SEM1: variants seen among roughly 807,000 people sequenced by gnomAD.
The protein encoded by SEM1 is SEM1 26S proteasome subunit.
In SEM1, 3 loss-of-function variants were observed where a neutral mutation model predicts 12.7. That is an observed-to-expected ratio of 0.24 (90% CI 0.11 to 0.61). The LOEUF is 0.61. SEM1 is among the 20% of genes least tolerant of loss of function. SEM1 has a pLI of 0.88. For synonymous variants in SEM1, 30 were observed against 27.8 expected (o/e 1.08, Z -0.25); for missense variants, 59 against 81.3 (o/e 0.73, Z 1.06).
intron 1 of SEM1, among the ~76,000 whole-genome samples, chr7:96,707,574 T>C (rs1790506012): frequency 6.6e-6 from 1 of 152,268 alleles, no homozygotes; most frequent in South Asian, 2.1e-4. Context: ...AATGGTCAAT[T>C]ACTTAATGTT....
At chr7:96,578,382 A>G (rs1806275915) in intron 2 of SEM1, among the ~76,000 whole-genome samples, 1 of 152,152 alleles carries the variant, frequency 6.6e-6, no homozygotes, top group Non-Finnish European at 1.5e-5. Flanking sequence ...CAAAAACACT[A>G]GGTAACTTAA....
At chr7:96,559,200 AT>A (rs1394230240) in intron 2 of SEM1, among the ~76,000 whole-genome samples, 2 of 151,984 alleles carry the variant, frequency 1.3e-5, no homozygotes, top group Admixed American at 1.3e-4. Context: ...TAGTATATAA[AT>A]TTTTTCATAT....
intron 1 of SEM1, chr7:96,696,801 T>C (rs940667425): frequency 6.6e-6 from 1 of 151,982 alleles, no homozygotes; most frequent in Non-Finnish European, 1.5e-5. Flanking sequence ...ATACAAACTC[T>C]ACTCAATGTA....
At chr7:96,603,957 A>G (rs1235644074) in intron 2 of SEM1, among the ~76,000 whole-genome samples, 3 of 152,096 alleles carry the variant, frequency 2.0e-5, no homozygotes, top group African/African-American at 4.8e-5. Flanking sequence ...CTGCATGTAA[A>G]ATTGTGAGAT....
At chr7:96,546,604 T>C (rs957846956) in intron 2 of SEM1, among the ~76,000 whole-genome samples, 3 of 152,128 alleles carry the variant, frequency 2.0e-5, no homozygotes, top group African/African-American at 4.8e-5. Context: ...TTAGTCACTA[T>C]ATAGTTATAC....
intron 2 of SEM1, chr7:96,673,952 G>A (rs1468396701): frequency 5.7e-6 from 4 of 697,526 alleles, no homozygotes; most frequent in African/African-American, 1.7e-5. Flanking sequence ...GGCCCATCCT[G>A]AAAAATGTAC....
intron 2 of SEM1, among the ~76,000 whole-genome samples, chr7:96,682,292 C>T (rs1789638169): frequency 6.6e-6 from 1 of 152,078 alleles, no homozygotes; most frequent in Non-Finnish European, 1.5e-5. Flanking sequence ...TGGGTTGAGA[C>T]AATGGGGTTT....
chr7:96,520,872 T>C (rs1350668646), intron 2 of SEM1, among the ~76,000 whole-genome samples: 1 of 152,060 alleles, frequency 6.6e-6, no homozygotes, highest in Non-Finnish European at 1.5e-5. Context: ...TCTGGCCCAC[T>C]GATCCCAGCT....
intron 2 of SEM1, among the ~76,000 whole-genome samples, chr7:96,634,810 G>A (rs1004299512): frequency 1.3e-5 from 2 of 151,852 alleles, no homozygotes; most frequent in African/African-American, 2.4e-5. Flanking sequence ...GCAAGGGGGC[G>A]AGAATATGTG....
intron 3 of SEM1, chr7:96,484,118 A>C: frequency 1.1e-6 from 1 of 887,530 alleles, no homozygotes; most frequent in Non-Finnish European, 1.6e-6. Flanking sequence ...AGATGAGAAA[A>C]CTGAGGTATA....
At chr7:96,573,873 C>T (rs868419860) in intron 2 of SEM1, among the ~76,000 whole-genome samples, 54 of 151,962 alleles carry the variant, frequency 3.6e-4, no homozygotes, top group Non-Finnish European at 5.4e-4. Flanking sequence ...CCATTCTCCC[C>T]GTCACTTTCA....
intron 2 of SEM1, among the ~76,000 whole-genome samples, chr7:96,567,795 T>C (rs1805889585): frequency 6.6e-6 from 1 of 151,650 alleles, no homozygotes; most frequent in African/African-American, 2.4e-5. Context: ...ATTATATTAG[T>C]AATTTTTCTA....
intron 2 of SEM1, among the ~76,000 whole-genome samples, chr7:96,642,664 T>G (rs1458180082): frequency 6.6e-6 from 1 of 152,076 alleles, no homozygotes; most frequent in African/African-American, 2.4e-5. Context: ...ATCAGATTCA[T>G]CTACTTGTAT....
At chr7:96,581,203 C>T (rs1190647543) in intron 2 of SEM1, among the ~76,000 whole-genome samples, 5 of 152,268 alleles carry the variant, frequency 3.3e-5, no homozygotes, top group African/African-American at 1.2e-4. Context: ...AGCCAGTTTT[C>T]CCAGCACCAT....
intron 2 of SEM1, among the ~76,000 whole-genome samples, chr7:96,542,267 A>G (rs1381189476): frequency 1.3e-5 from 2 of 151,696 alleles, no homozygotes; most frequent in Non-Finnish European, 3.0e-5. Flanking sequence ...TGTGTCATCT[A>G]TGATTCCATT....
rs116462368 is a variant in SEM1, at chr7:96,511,558, T to C, written c.171-4860A>G. On this transcript the variant is annotated intron_variant and NMD_transcript_variant, in intron 2 of 3. Coordinates refer to the SEM1 transcript ENST00000466986. The stretch of plus-strand genomic sequence containing the variant: ...TTGGACTGATGTATATAGCACAAAT[T>C]GGAAGAGGAAATATGGCTAGAAATT... Among the ~76,000 whole-genome samples, 425 of 152,136 alleles carry C rather than the reference T, an allele frequency of 2.8e-3. 3 individuals carry two copies. Among genetic ancestry groups the C allele is most frequent in the African/African-American group, 9.6e-3 (400 of 41,520 alleles).
At chr7:96,486,233 C>A in exon 2 of SEM1, 1 of 1,535,924 alleles carries the variant, frequency 6.5e-7, no homozygotes, top group South Asian at 1.2e-5. Context: ...TGTTGTCGCT[C>A]TGGAGTTGGG....
chr7:96,684,518 G>A (rs1264950465), downstream of SEM1, among the ~76,000 whole-genome samples: 4 of 152,044 alleles, frequency 2.6e-5, no homozygotes, highest in Admixed American at 2.6e-4. Context: ...AAGGGGAAGG[G>A]AAGAATGGAA....
intron 2 of SEM1, among the ~76,000 whole-genome samples, chr7:96,674,233 A>G (rs1403267881): frequency 1.3e-5 from 2 of 152,202 alleles, no homozygotes; most frequent in Non-Finnish European, 2.9e-5. Flanking sequence ...CCACAGATCT[A>G]TAATTATGGT....
Sources: allele counts gnomAD v4.1 joint callset (sites outside exome capture counted in the v4.1 genomes callset), GRCh38; gene constraint gnomAD v4.1.1; transcripts MANE v1.5; gene names NCBI Gene and HGNC (gene_info 2026-07-23, HGNC 2026-07-21).